Variants in KANK1 observed in about 807,000 individuals in gnomAD.
The protein encoded by KANK1 is KN motif and ankyrin repeat domain-containing protein 1.
A neutral mutation model predicts 106.2 loss-of-function variants in KANK1; 109 were observed. That is an observed-to-expected ratio of 1.03 (90% confidence interval 0.88 to 1.20). KANK1 has a LOEUF of 1.20. Ranked by LOEUF, KANK1 falls within the 50% of genes most tolerant of loss-of-function variation. The probability of loss-of-function intolerance (pLI) is 0.00; values close to 1 mark genes in which losing one functional copy is unlikely to be tolerated. For missense variants in KANK1, 2,399 were observed against 1,710.7 expected, an observed-to-expected ratio of 1.40 and a Z score of -7.10; for synonymous variants, 873 against 652.2, an observed-to-expected ratio of 1.34 and a Z score of -5.16.
intron 3 of KANK1, chr9:473,276 G>C (rs902280284): frequency 6.6e-5 from 10 of 152,212 alleles, no homozygotes; most frequent in African/African-American, 2.2e-4. Context: ...ATTTGAACGT[G>C]AGTCTGACTG....
intron 1 of KANK1, among the ~76,000 whole-genome samples, chr9:556,862 G>T (rs2061621137): frequency 6.6e-6 from 1 of 152,128 alleles, no homozygotes; most frequent in Non-Finnish European, 1.5e-5. Flanking sequence ...CCCTGCCTTA[G>T]TCCCAGTATG....
rs535690442 is a variant in KANK1, at chr9:580,951, C to T, written c.-84+76197C>T. On this transcript the variant is annotated intron_variant, in intron 1 of 11. Transcript: ENST00000382297. The stretch of plus-strand genomic sequence containing the variant: ...AGCTGAGGCCTGGTGAGAATTGGAG[C>T]GCAGCGCTGGCAGGCTGACACTGCT... Among the ~76,000 whole-genome samples, 38 of 152,302 alleles carry T rather than the reference C, an allele frequency of 2.5e-4. No homozygotes were observed. In the South Asian group the frequency reaches 6.6e-3, roughly 27 times the overall value.
intron 1 of KANK1, among the ~76,000 whole-genome samples, chr9:655,501 T>G (rs1454628749): frequency 6.6e-6 from 1 of 152,170 alleles, no homozygotes; most frequent in African/African-American, 2.4e-5. Flanking sequence ...TCCTTCCACT[T>G]CAGTGTGCAT....
intron 1 of KANK1, among the ~76,000 whole-genome samples, chr9:589,671 A>C (rs919020970): frequency 6.6e-6 from 1 of 152,212 alleles, no homozygotes; most frequent in Non-Finnish European, 1.5e-5. Context: ...AGATGGAGCA[A>C]GTAGACACAG....
rs1836919865 is a variant in KANK1, at chr9:745,350, G to A, written c.*115G>A. The A allele has an allele frequency of 1.5e-6, 2 of 1,345,066 alleles. No homozygotes were observed. The highest frequency in any genetic ancestry group is 1.1e-6 in the Non-Finnish European group (1 of 945,868). The allele number at this position is 1,345,066 out of a possible 1,614,324, so 83.3% of individuals were successfully genotyped here. ...TGCCTGAGCTCACCAGCAAACAGAA[G>A]CATCAAGCCCAGGGGTAAAGGCTGA... On this transcript the variant is annotated 3_prime_UTR_variant, in exon 12 of 12. Transcript: ENST00000382297.
At chr9:596,381 C>T (rs922058110) in intron 1 of KANK1, among the ~76,000 whole-genome samples, 2 of 151,820 alleles carry the variant, frequency 1.3e-5, no homozygotes, top group South Asian at 4.1e-4. Context: ...TAATGTACAT[C>T]ACTGTAGGTT....
intron 1 of KANK1, among the ~76,000 whole-genome samples, chr9:550,409 A>G (rs1003310168): frequency 6.6e-6 from 1 of 152,224 alleles, no homozygotes; most frequent in Non-Finnish European, 1.5e-5. Context: ...CTCGAACAGT[A>G]TATTTCTTTG....
intron 1 of KANK1, among the ~76,000 whole-genome samples, chr9:566,043 T>G (rs1177400599): frequency 6.6e-6 from 1 of 152,182 alleles, no homozygotes; most frequent in Non-Finnish European, 1.5e-5. Flanking sequence ...TAGGCTGCAG[T>G]GTCTGTTGTT....
At chr9:564,536 A>G (rs1307556024) in intron 1 of KANK1, among the ~76,000 whole-genome samples, 2 of 152,192 alleles carry the variant, frequency 1.3e-5, no homozygotes, top group African/African-American at 2.4e-5. Context: ...GCTAATATGA[A>G]ACATACATAG....
chr9:721,283 T>C (rs1371396693), intron 3 of KANK1, among the ~76,000 whole-genome samples: 1 of 152,146 alleles, frequency 6.6e-6, no homozygotes, highest in Non-Finnish European at 1.5e-5. Flanking sequence ...TTTTGGGACC[T>C]CGGGAAAAGA....
intron 1 of KANK1, among the ~76,000 whole-genome samples, chr9:664,592 T>G (rs1844135434): frequency 1.3e-5 from 2 of 152,184 alleles, no homozygotes; most frequent in South Asian, 4.1e-4. Flanking sequence ...GACACTTAGG[T>G]TGATTCCATA....
intron 1 of KANK1, among the ~76,000 whole-genome samples, chr9:634,254 G>C (rs1323062154): frequency 6.6e-6 from 1 of 152,152 alleles, no homozygotes; most frequent in Non-Finnish European, 1.5e-5. Flanking sequence ...GGGAATGGGT[G>C]CTGCTGATTG....
chr9:566,682 C>G (rs1356027587), intron 1 of KANK1, among the ~76,000 whole-genome samples: 1 of 152,116 alleles, frequency 6.6e-6, no homozygotes, highest in African/African-American at 2.4e-5. Flanking sequence ...CTGTTCATGC[C>G]TTTGCCTACT....
At chr9:595,639 C>A (rs907494298) in intron 1 of KANK1, among the ~76,000 whole-genome samples, 1 of 151,852 alleles carries the variant, frequency 6.6e-6, no homozygotes, top group African/African-American at 2.4e-5. Context: ...AGTCCTCCCA[C>A]CTCAGTCTCC....
intron 2 of KANK1, among the ~76,000 whole-genome samples, chr9:688,796 G>T (rs1473833038): frequency 6.6e-6 from 1 of 152,150 alleles, no homozygotes; most frequent in Non-Finnish European, 1.5e-5. Context: ...AGATAGGGAG[G>T]AGGTGGTACT....
intron 1 of KANK1, among the ~76,000 whole-genome samples, chr9:569,400 A>C (rs1412447104): frequency 6.6e-6 from 1 of 151,866 alleles, no homozygotes; most frequent in African/African-American, 2.4e-5. Flanking sequence ...TTAATGGATT[A>C]ATGGGTTATC....
At chr9:727,008 C>T (rs193268723) in intron 3 of KANK1, among the ~76,000 whole-genome samples, 21 of 152,248 alleles carry the variant, frequency 1.4e-4, no homozygotes, top group Non-Finnish European at 2.4e-4. Context: ...TTATTTTCTC[C>T]GTATTATTGT....
intron 1 of KANK1, among the ~76,000 whole-genome samples, chr9:603,170 C>G (rs1408250116): frequency 1.3e-5 from 2 of 151,782 alleles, no homozygotes; most frequent in Non-Finnish European, 2.9e-5. Flanking sequence ...TTCCTCTGGA[C>G]CGTGGCATTG....
At chr9:728,279 A>G (rs988546014) in intron 3 of KANK1, among the ~76,000 whole-genome samples, 2 of 149,462 alleles carry the variant, frequency 1.3e-5, no homozygotes, top group African/African-American at 2.5e-5. Flanking sequence ...AGGCACTACA[A>G]CCTCCACCTC....
Sources: allele counts gnomAD v4.1 joint callset (sites outside exome capture counted in the v4.1 genomes callset), GRCh38; gene constraint gnomAD v4.1.1; transcripts MANE v1.5; gene names NCBI Gene and HGNC (gene_info 2026-07-23, HGNC 2026-07-21).